The following ST3GAL2 variants were observed in gnomAD, a reference collection of about 807,000 sequenced individuals.
The protein encoded by ST3GAL2 is CMP-N-acetylneuraminate-beta-galactosamide-alpha-2,3-sialyltransferase 2.
Under a neutral mutation model 37.5 loss-of-function variants are expected in ST3GAL2, and 16 were observed. The observed-to-expected ratio is 0.43, with a 90% CI of 0.29 to 0.65. The LOEUF (loss-of-function observed/expected upper bound fraction) is 0.65. ST3GAL2 is among the 30% of genes least tolerant of loss of function. The pLI, the probability that ST3GAL2 is intolerant of heterozygous loss-of-function variation, is 0.17. For synonymous variants in ST3GAL2, 238 were observed against 202.9 expected (o/e 1.17, Z -1.47); for missense variants, 383 against 487.8 (o/e 0.79, Z 2.02).
intron 1 of ST3GAL2, among the ~76,000 whole-genome samples, chr16:70,408,107 C>T (rs974776913): frequency 2.6e-5 from 4 of 152,154 alleles, no homozygotes; most frequent in African/African-American, 9.7e-5. Context: ...TTATGAACCT[C>T]TGAGCATTTT....
rs909319602 is a variant in ST3GAL2 at position 70,399,270 on chromosome 16, G to C, written c.-740C>G. 14 of 398,790 alleles carry C rather than the reference G, an allele frequency of 3.5e-5. No individual in the cohort carries two copies. Among genetic ancestry groups the C allele is most frequent in the African/African-American group, 6.2e-5 (3 of 48,644 alleles). 24.7% of individuals were successfully genotyped at this position (398,790 alleles called of 1,614,324 possible). A position where few individuals can be genotyped will look rare whatever the true frequency, so the allele number is the denominator to read the frequency against. Reference sequence around the variant, plus strand: ...CAGCCCCAGCTGCAGTTGCGTAGGGGTCGCAAAGCTCCTACTGTGGCTGTG... The same window carrying C: ...CAGCCCCAGCTGCAGTTGCGTAGGGCTCGCAAAGCTCCTACTGTGGCTGTG... On this transcript the variant is annotated 5_prime_UTR_variant, in exon 2 of 7. Coordinates refer to ENST00000342907, the MANE Select transcript of ST3GAL2 (RefSeq NM_006927.4).
intron 1 of ST3GAL2, among the ~76,000 whole-genome samples, chr16:70,427,584 G>A (rs1320337340): frequency 4.6e-5 from 7 of 151,754 alleles, no homozygotes; most frequent in Non-Finnish European, 2.9e-5. Flanking sequence ...TGATCCGCCC[G>A]CCTCAGCCTC....
chr16:70,418,205 T>G (rs367870275), intron 1 of ST3GAL2, among the ~76,000 whole-genome samples: 1 of 152,190 alleles, frequency 6.6e-6, no homozygotes, highest in Non-Finnish European at 1.5e-5. Flanking sequence ...ACTGACCCCT[T>G]AGCCAAGCCC....
chr16:70,432,994 C>G (rs988767945), intron 1 of ST3GAL2, among the ~76,000 whole-genome samples: 2 of 152,276 alleles, frequency 1.3e-5, no homozygotes, highest in African/African-American at 2.4e-5. Flanking sequence ...GCAAGGCTCC[C>G]AACCTCAGGA....
In ST3GAL2 at chr16:70,383,225, G is replaced by C; in HGVS notation, c.724C>G (p.Pro242Ala). 2 of 1,606,376 alleles carry C rather than the reference G, an allele frequency of 1.2e-6. No individual in the cohort carries two copies. Among genetic ancestry groups the C allele is most frequent in the Non-Finnish European group, 1.7e-6 (2 of 1,178,194 alleles). ...TCCACTCGAAGGAAGGACTTCACTG[G>C]GGCGTAGGTGCTGTAAGCAAAAAGA... ...STGQIRFTYA[P>A]VKSFLRVDKE... The change falls in exon 5 of 7, where the codon CCA becomes GCA. Residue 242 changes from proline (P) to alanine (A), a missense_variant. Pro to Ala is a conservative substitution (Grantham distance 27, BLOSUM62 -1). Transcript: ENST00000342907.
At position 70,398,312 on chromosome 16, in the gene ST3GAL2, G is replaced by C; in HGVS notation, c.219C>G (p.Arg73=). Residue 73 remains arginine, a synonymous_variant, in exon 2 of 7, where the codon CGC becomes CGG. Transcript: ENST00000342907. Reference sequence around the variant, plus strand: ...AGGCACCGGCATCGCCCATGCAGCGGCGACAGGCACAGCTCTTGCCCGAGA... The same window carrying C: ...AGGCACCGGCATCGCCCATGCAGCGCCGACAGGCACAGCTCTTGCCCGAGA... ...ERLSGKSCAC[R]RCMGDAGASD... is the part of the protein sequence containing the mutation. 1 of 1,613,408 alleles carries C rather than the reference G, an allele frequency of 6.2e-7. No individual in the cohort carries two copies. The highest frequency in any genetic ancestry group is 8.5e-7 in the Non-Finnish European group (1 of 1,180,040).
chr16:70,415,839 G>A (rs1385886237), intron 1 of ST3GAL2, among the ~76,000 whole-genome samples: 1 of 135,978 alleles, frequency 7.4e-6, no homozygotes, highest in African/African-American at 2.8e-5. Flanking sequence ...ACAATCTTGG[G>A]ATCTTGGCTC....
In ST3GAL2 at chr16:70,377,804, C is replaced by T. The variant is rs1200976369; in HGVS notation, c.*3885G>A. On this transcript the variant is annotated 3_prime_UTR_variant, in exon 7 of 7. Coordinates refer to ENST00000342907, the MANE Select transcript of ST3GAL2 (RefSeq NM_006927.4). ...TGCCACTGCACTCCAGCCTGGTCAA[C>T]AGAGCAAAACTCCATCTCAAAAATA... 2.0e-5 allele frequency: 3 copies of T among 152,070 alleles called. No individual in the cohort carries two copies. Among genetic ancestry groups the T allele is most frequent in the African/African-American group, 7.2e-5 (3 of 41,394 alleles). 9.4% of individuals were successfully genotyped at this position (152,070 alleles called of 1,614,324 possible).
chr16:70,381,617 G>A lies in ST3GAL2; in HGVS notation c.*72C>T. 6.5e-7 allele frequency: 1 copy of A among 1,547,952 alleles called. No homozygotes were observed. Among genetic ancestry groups the A allele is most frequent in the Non-Finnish European group, 8.7e-7 (1 of 1,146,482 alleles). On this transcript the variant is annotated 3_prime_UTR_variant, in exon 7 of 7. Transcript: ENST00000342907. ...GCTGCAGCATGATTGGTCGCGGGTT[G>A]CTGGTCCTGGGTCCCGGGCCGGAGC...
intron 1 of ST3GAL2, among the ~76,000 whole-genome samples, chr16:70,423,852 C>T (rs961412585): frequency 1.3e-5 from 2 of 151,240 alleles, no homozygotes; most frequent in Admixed American, 6.6e-5. Flanking sequence ...GGGCAGATCA[C>T]GAGGTCAGGA....
intron 1 of ST3GAL2, among the ~76,000 whole-genome samples, chr16:70,428,619 C>T (rs117468975): frequency 3.3e-5 from 5 of 152,356 alleles, no homozygotes; most frequent in Non-Finnish European, 5.9e-5. Context: ...TGGACACAAT[C>T]CAGGAAACCT....
intron 1 of ST3GAL2, among the ~76,000 whole-genome samples, chr16:70,430,021 C>T (rs2047778676): frequency 6.6e-6 from 1 of 152,212 alleles, no homozygotes; most frequent in Non-Finnish European, 1.5e-5. Flanking sequence ...CTGTGAAAAT[C>T]AGCTGCACCC....
chr16:70,429,351 T>C (rs1028258895), intron 1 of ST3GAL2, among the ~76,000 whole-genome samples: 1 of 152,008 alleles, frequency 6.6e-6, no homozygotes, highest in Non-Finnish European at 1.5e-5. Context: ...CCCAGCACTT[T>C]GGGAGGCTGA....
chr16:70,414,589 CG>C (rs1567674165), intron 1 of ST3GAL2, among the ~76,000 whole-genome samples: 1 of 152,188 alleles, frequency 6.6e-6, no homozygotes, highest in Non-Finnish European at 1.5e-5. Context: ...CACTGAAAAT[CG>C]GAACAATTGA....
At chr16:70,388,068 C>T (rs747645614) in intron 4 of ST3GAL2, among the ~76,000 whole-genome samples, 43 of 151,310 alleles carry the variant, frequency 2.8e-4, no homozygotes, top group Non-Finnish European at 5.3e-4. Context: ...GCCAAGATCG[C>T]GCCATTGCAC....
rs765565907 is a variant in ST3GAL2, at chr16:70,381,655, T to C, written c.*34A>G. ...CCCGGGCCGGAGCCCCGGTGCCCGA[T>C]AGATGGGCCGGAAGGGTCGCGGCGA... On this transcript the variant is annotated 3_prime_UTR_variant, in exon 7 of 7. Transcript: ENST00000342907. 39 of 1,605,564 alleles carry C rather than the reference T, an allele frequency of 2.4e-5. No homozygotes were observed. Among genetic ancestry groups the C allele is most frequent in the Admixed American group, 1.0e-4 (6 of 59,674 alleles).
chr16:70,420,401 C>T (rs1436004740), intron 1 of ST3GAL2, among the ~76,000 whole-genome samples: 1 of 152,190 alleles, frequency 6.6e-6, no homozygotes, highest in Non-Finnish European at 1.5e-5. Context: ...ATCCCTCCCT[C>T]CGCCACCACA....
chr16:70,409,170 G>A (rs1283049518), intron 1 of ST3GAL2, among the ~76,000 whole-genome samples: 5 of 152,124 alleles, frequency 3.3e-5, no homozygotes, highest in Admixed American at 3.3e-4. Context: ...GGTTGTGGTG[G>A]CTCACACCTA....
chr16:70,399,910 C>T (rs2047543510), intron 1 of ST3GAL2: 1 of 153,144 alleles, frequency 6.5e-6, no homozygotes, highest in South Asian at 2.1e-4. Flanking sequence ...GACTGCCCCC[C>T]ACAGCACTCT....
Sources: allele counts gnomAD v4.1 joint callset (sites outside exome capture counted in the v4.1 genomes callset), GRCh38; gene constraint gnomAD v4.1.1; transcripts MANE v1.5; gene names NCBI Gene and HGNC (gene_info 2026-07-23, HGNC 2026-07-21).